The following GALNT2 variants were observed in gnomAD, a reference collection of about 807,000 sequenced individuals.
The protein encoded by GALNT2 is UDP-GalNAc:polypeptide N-acetylgalactosaminyltransferase 2.
In GALNT2, 31 loss-of-function variants were observed where a neutral mutation model predicts 81.4. The observed-to-expected ratio is 0.38, with a 90% CI of 0.29 to 0.51. The LOEUF (loss-of-function observed/expected upper bound fraction) is 0.51, where lower values mean the gene tolerates loss of function less well. Ranked by LOEUF, GALNT2 falls within the 20% of genes least tolerant of loss-of-function variation. The probability of loss-of-function intolerance (pLI) is 0.87; values close to 1 mark genes in which losing one functional copy is unlikely to be tolerated. For synonymous variants in GALNT2, 303 were observed against 287.4 expected (o/e 1.05, Z -0.55); for missense variants, 629 against 765.7 (o/e 0.82, Z 2.11).
chr1:230,061,833 G>A (rs1659056295), intron 1 of GALNT2, among the ~76,000 whole-genome samples: 1 of 152,030 alleles, frequency 6.6e-6, no homozygotes, highest in Non-Finnish European at 1.5e-5. Flanking sequence ...TTTCTTTTCT[G>A]CATGGAGTGC....
chr1:230,096,572 G>GT (rs1270840451), intron 1 of GALNT2, among the ~76,000 whole-genome samples: 23 of 151,548 alleles, frequency 1.5e-4, no homozygotes, highest in South Asian at 8.4e-4. Flanking sequence ...CTGTTTGAAA[G>GT]TTTTTTTTTG....
intron 1 of GALNT2, among the ~76,000 whole-genome samples, chr1:230,111,397 T>C (rs542829936): frequency 1.3e-5 from 2 of 152,350 alleles, no homozygotes; most frequent in Admixed American, 1.3e-4. Flanking sequence ...CAAGTGTGTT[T>C]GCATACATGT....
intron 14 of GALNT2, among the ~76,000 whole-genome samples, chr1:230,273,379 A>AG (rs1666202821): frequency 6.6e-6 from 1 of 152,150 alleles, no homozygotes; most frequent in Non-Finnish European, 1.5e-5. Flanking sequence ...AGACAGACGG[A>AG]GGGGAGGGCC....
Position 230,159,612 on chromosome 1 carries a change from C to T in GALNT2, c.127-18606C>T, listed in dbSNP as rs570462832. Among the ~76,000 whole-genome samples, 9 of 152,288 alleles carry T rather than the reference C, an allele frequency of 5.9e-5. No homozygotes were observed. In the East Asian group the frequency reaches 1.2e-3, roughly 20 times the overall value. On this transcript the variant is annotated intron_variant, in intron 1 of 15. Transcript: ENST00000366672. Reference sequence around the variant, plus strand: ...GAGCCTACATGGGGTAGGGGGAAACCGTGAAGTGTGCAGTGACCTGAGGGT... The same window carrying T: ...GAGCCTACATGGGGTAGGGGGAAACTGTGAAGTGTGCAGTGACCTGAGGGT...
rs368009399 is a variant in GALNT2, at chr1:230,179,826, C to T, written c.220+1515C>T. ...TTATCAATTATTTCCTTCATTGTCA[C>T]GCCTTTGGTGTTTTCTCTAAAAAGT... is the stretch of plus-strand genomic sequence containing the variant. On this transcript the variant is annotated intron_variant, in intron 2 of 15. Coordinates refer to ENST00000366672, the MANE Select transcript of GALNT2 (RefSeq NM_004481.5). 2.6e-5 allele frequency among the ~76,000 whole-genome samples: 4 copies of T among 152,154 alleles called. No individual in the cohort carries two copies. In the South Asian group the frequency reaches 6.2e-4, roughly 24 times the overall value.
At chr1:230,064,017 C>T (rs1335292099), upstream of GALNT2, among the ~76,000 whole-genome samples, 1 of 152,040 alleles carries the variant, frequency 6.6e-6, no homozygotes, top group Non-Finnish European at 1.5e-5. Flanking sequence ...GTATTCTTTG[C>T]TATTTTTAGA....
At chr1:230,067,237 C>T (rs910479087), upstream of GALNT2, 16 of 1,215,080 alleles carry the variant, frequency 1.3e-5, no homozygotes, top group Non-Finnish European at 1.6e-5. Context: ...GCCCAGGCAG[C>T]ACTCGCGAGC....
At position 230,250,459 on chromosome 1, in the gene GALNT2, C is replaced by T; in HGVS notation, c.908C>T (p.Thr303Ile). 6.2e-7 allele frequency: 1 copy of T among 1,613,228 alleles called. No homozygotes were observed. The highest frequency in any genetic ancestry group is 8.5e-7 in the Non-Finnish European group (1 of 1,179,342). The change falls in exon 10 of 16, where the codon ACC (threonine) becomes ATC (isoleucine). Residue 303 changes from threonine to isoleucine, a missense_variant and splice_region_variant. Thr to Ile is a moderately conservative substitution (Grantham distance 89, BLOSUM62 -1). Coordinates refer to ENST00000366672, the MANE Select transcript of GALNT2 (RefSeq NM_004481.5). ...RQGNPVAPIK[T>I]PMIAGGLFVM... ...CCCTCTTCTTTCTGCCTCTTTAGAA[C>T]CCCCATGATTGCTGGTGGGCTGTTT...
In GALNT2 at chr1:230,252,843, C is replaced by CTTTTTTTTTTTTT. The variant is rs58544942; in HGVS notation, c.1009+2293_1009+2305dup. Among the ~76,000 whole-genome samples, 314 of 78,938 alleles carry CTTTTTTTTTTTTT rather than the reference C, an allele frequency of 4.0e-3. 37 individuals are homozygous for CTTTTTTTTTTTTT. Among genetic ancestry groups the CTTTTTTTTTTTTT allele is most frequent in the African/African-American group, 8.5e-3 (166 of 19,598 alleles). The allele number at this position is 78,938 out of a possible 152,430, so 51.8% of individuals were successfully genotyped here. A position where few individuals can be genotyped will look rare whatever the true frequency, so the allele number is the denominator to read the frequency against. ...TTATTTTCTGAAATAGAGACAACTT[C>CTTTTTTTTTTTTT]TTTTTTTTTTTTTTTTTTTTTTGAG... On this transcript the variant is annotated intron_variant, in intron 10 of 15. Transcript: ENST00000366672.
At chr1:230,252,145 G>A (rs112096446) in intron 10 of GALNT2, among the ~76,000 whole-genome samples, 1 of 152,150 alleles carries the variant, frequency 6.6e-6, no homozygotes, top group African/African-American at 2.4e-5. Flanking sequence ...ACGTGAGAAG[G>A]CCATGCCGTG....
At position 230,243,249 on chromosome 1, in the gene GALNT2, G is replaced by A; in HGVS notation, c.608-57G>A. 6.5e-7 allele frequency: 1 copy of A among 1,539,652 alleles called. No homozygotes were observed. On this transcript the variant is annotated intron_variant, in intron 6 of 15. Coordinates refer to ENST00000366672, the MANE Select transcript of GALNT2 (RefSeq NM_004481.5). This position sits in a 1 kb window ranked among gnomAD's most constrained non-coding sequence, Gnocchi z 4.2. Reference sequence around the variant, plus strand: ...GGGAGGCGTCGCCGGTTGGCATGGGGTTGTGCTGGCCCTGTGGCTTCTCTC... The same window carrying A: ...GGGAGGCGTCGCCGGTTGGCATGGGATTGTGCTGGCCCTGTGGCTTCTCTC...
intron 3 of GALNT2, among the ~76,000 whole-genome samples, chr1:230,203,607 A>T (rs1000263925): frequency 6.6e-6 from 1 of 152,138 alleles, no homozygotes; most frequent in Non-Finnish European, 1.5e-5. Flanking sequence ...TATTTTTATG[A>T]TCCATTCACA....
intron 11 of GALNT2, chr1:230,259,096 T>C (rs1665801826): frequency 6.6e-6 from 1 of 152,256 alleles, no homozygotes; most frequent in Admixed American, 6.5e-5. Flanking sequence ...ATCTGAAAGA[T>C]AAAGAAGTGG....
At chr1:230,214,659 T>C (rs975768000) in intron 3 of GALNT2, among the ~76,000 whole-genome samples, 2 of 152,214 alleles carry the variant, frequency 1.3e-5, no homozygotes, top group African/African-American at 4.8e-5. Flanking sequence ...TGAACCTGTT[T>C]GGGATTTGTG....
intron 1 of GALNT2, among the ~76,000 whole-genome samples, chr1:230,074,130 C>T (rs1187864438): frequency 1.3e-5 from 2 of 151,760 alleles, no homozygotes; most frequent in East Asian, 3.9e-4. Context: ...TTGTACTCTG[C>T]CACCCAGGTT....
At chr1:230,210,009 C>A (rs866404274) in intron 3 of GALNT2, among the ~76,000 whole-genome samples, 2 of 152,146 alleles carry the variant, frequency 1.3e-5, no homozygotes, top group South Asian at 2.1e-4. Flanking sequence ...GAAGCCTCTC[C>A]CCAGTGTTGT....
chr1:230,061,124 C>T (rs1042511374), intron 1 of GALNT2, among the ~76,000 whole-genome samples: 1 of 151,318 alleles, frequency 6.6e-6, no homozygotes, highest in Non-Finnish European at 1.5e-5. Context: ...TAATCGGGGC[C>T]CTTTAAGTGG....
At chr1:230,119,455 G>A (rs1283293646) in intron 1 of GALNT2, among the ~76,000 whole-genome samples, 1 of 152,190 alleles carries the variant, frequency 6.6e-6, no homozygotes, top group African/African-American at 2.4e-5. Flanking sequence ...GAGGCTGCTC[G>A]CCACGTGGGG....
At chr1:230,112,731 C>A (rs1163402454) in intron 1 of GALNT2, among the ~76,000 whole-genome samples, 1 of 147,974 alleles carries the variant, frequency 6.8e-6, no homozygotes, top group Non-Finnish European at 1.5e-5. Context: ...TGCGGAGATT[C>A]CTGCTCTGCA....
Sources: gnomAD v4.1 joint callset for allele counts (sites outside exome capture counted in the v4.1 genomes callset) on GRCh38, gnomAD v4.1.1 for gene constraint, Gnocchi (gnomAD v3.1) non-coding constraint, MANE v1.5 for transcripts, NCBI Gene and HGNC (gene_info 2026-07-23, HGNC 2026-07-21) for gene names.